The following SIL1 variants were observed in gnomAD, a reference collection of about 807,000 sequenced individuals.
SIL1 encodes SIL1 nucleotide exchange factor, also known as nucleotide exchange factor SIL1.
SIL1 carries 40 observed loss-of-function variants against 49.1 expected under a neutral mutation model. The observed-to-expected ratio is 0.81, with a 90% CI of 0.63 to 1.06. SIL1 has a LOEUF of 1.06. Among genes scored for constraint, SIL1 ranks in the 50% least tolerant of loss-of-function variants. The pLI, the probability that SIL1 is intolerant of heterozygous loss-of-function variation, is 0.00. For synonymous variants in SIL1, 253 were observed against 250.8 expected (o/e 1.01, Z -0.08); for missense variants, 500 against 572.6 (o/e 0.87, Z 1.29).
intron 3 of SIL1, among the ~76,000 whole-genome samples, chr5:139,080,766 A>C (rs1366115483): frequency 6.6e-6 from 1 of 152,170 alleles, no homozygotes; most frequent in Non-Finnish European, 1.5e-5. Context: ...GAGAACTATT[A>C]GCTTTTTAAT....
chr5:139,040,055 G>A (rs368707755), intron 5 of SIL1, among the ~76,000 whole-genome samples: 2 of 122,800 alleles, frequency 1.6e-5, no homozygotes, highest in African/African-American at 3.7e-5. Flanking sequence ...GGATATGGCC[G>A]AATATCTGAC....
At chr5:138,970,073 C>G (rs1477722324) in intron 7 of SIL1, among the ~76,000 whole-genome samples, 1 of 152,246 alleles carries the variant, frequency 6.6e-6, no homozygotes, top group Non-Finnish European at 1.5e-5. Context: ...CCGATAAATG[C>G]CCCACCACTG....
chr5:139,037,223 T>C (rs994029866), intron 5 of SIL1, among the ~76,000 whole-genome samples: 1 of 152,006 alleles, frequency 6.6e-6, no homozygotes, highest in African/African-American at 2.4e-5. Context: ...TGTTCCCCTA[T>C]AGTTGTGTTA....
chr5:139,143,006 G>A (rs1424783988), intron 1 of SIL1, among the ~76,000 whole-genome samples: 5 of 151,728 alleles, frequency 3.3e-5, no homozygotes, highest in Non-Finnish European at 5.9e-5. Flanking sequence ...CTGACCTCGT[G>A]ATCCGCCCAC....
At chr5:138,974,058 A>G (rs918563360) in intron 7 of SIL1, among the ~76,000 whole-genome samples, 3 of 152,172 alleles carry the variant, frequency 2.0e-5, no homozygotes, top group African/African-American at 7.2e-5. Context: ...GCACCCCTTG[A>G]TATCAAATTG....
At chr5:139,175,308 C>T (rs150979574) in intron 1 of SIL1, among the ~76,000 whole-genome samples, 1 of 151,920 alleles carries the variant, frequency 6.6e-6, no homozygotes, top group African/African-American at 2.4e-5. Context: ...GCAACAAGAG[C>T]GAAGCTCCAT....
intron 1 of SIL1, among the ~76,000 whole-genome samples, chr5:139,149,256 T>C (rs949341480): frequency 6.6e-6 from 1 of 152,192 alleles, no homozygotes; most frequent in African/African-American, 2.4e-5. Flanking sequence ...AAATATATTT[T>C]TGCAAAAACA....
chr5:139,063,191 A>G (rs371985857), intron 3 of SIL1, among the ~76,000 whole-genome samples: 18 of 152,268 alleles, frequency 1.2e-4, no homozygotes, highest in African/African-American at 4.3e-4. Context: ...AAAGGATGAT[A>G]GTATTTTGAC....
chr5:139,029,650 C>T (rs1417024677), intron 5 of SIL1, among the ~76,000 whole-genome samples: 1 of 151,652 alleles, frequency 6.6e-6, no homozygotes, highest in African/African-American at 2.4e-5. Flanking sequence ...AGGCACAAGT[C>T]ACCACGCCTG....
chr5:139,138,522 C>T (rs1341501132), intron 1 of SIL1, among the ~76,000 whole-genome samples: 1 of 152,204 alleles, frequency 6.6e-6, no homozygotes, highest in African/African-American at 2.4e-5. Flanking sequence ...CATTCCCTTC[C>T]AACCCACTAC....
At chr5:138,993,929 A>T (rs991826562) in intron 7 of SIL1, among the ~76,000 whole-genome samples, 1 of 152,218 alleles carries the variant, frequency 6.6e-6, no homozygotes, top group Non-Finnish European at 1.5e-5. Context: ...TTAAGCCACT[A>T]AGTTTGTGAG....
At chr5:139,147,593 C>G (rs1441793121) in intron 1 of SIL1, among the ~76,000 whole-genome samples, 1 of 152,156 alleles carries the variant, frequency 6.6e-6, no homozygotes. Flanking sequence ...GCAAGAGAAA[C>G]AGCTGAATTA....
intron 7 of SIL1, among the ~76,000 whole-genome samples, chr5:138,969,766 T>C (rs1767231481): frequency 6.6e-6 from 1 of 152,228 alleles, no homozygotes. Context: ...TTCTAAGAGC[T>C]GTAAAAGTAA....
chr5:139,082,966 G>A lies in SIL1; in HGVS notation c.245-31920C>T, dbSNP rs146496192. Among the ~76,000 whole-genome samples the A allele has an allele frequency of 3.6e-3, 550 of 152,296 alleles. 1 individual carries two copies. Among genetic ancestry groups the A allele is most frequent in the Non-Finnish European group, 4.8e-3 (328 of 68,020 alleles). On this transcript the variant is annotated intron_variant, in intron 3 of 9. Coordinates refer to ENST00000394817, the MANE Select transcript of SIL1 (RefSeq NM_022464.5). ...CCCCAGGATACCCAGGAGAGAGCAG[G>A]CCAACTCAAAAAGCACTGAAGCAGC...
At chr5:139,117,281 A>T (rs1771011565) in intron 3 of SIL1, among the ~76,000 whole-genome samples, 1 of 152,218 alleles carries the variant, frequency 6.6e-6, no homozygotes, top group Non-Finnish European at 1.5e-5. Context: ...TTAGAGCCAG[A>T]CAAATCTAGG....
chr5:139,172,334 C>G (rs2151815854), intron 1 of SIL1, among the ~76,000 whole-genome samples: 1 of 152,186 alleles, frequency 6.6e-6, no homozygotes, highest in Non-Finnish European at 1.5e-5. Context: ...AGACAAAGGG[C>G]CAGGTATGGT....
At chr5:139,081,093 G>A (rs529636741) in intron 3 of SIL1, among the ~76,000 whole-genome samples, 3 of 152,284 alleles carry the variant, frequency 2.0e-5, no homozygotes, top group South Asian at 2.1e-4. Flanking sequence ...GTTGATCCAC[G>A]TGATAAATTC....
intron 1 of SIL1, among the ~76,000 whole-genome samples, chr5:139,144,178 G>A (rs900432403): frequency 6.6e-6 from 1 of 152,180 alleles, no homozygotes; most frequent in Non-Finnish European, 1.5e-5. Flanking sequence ...GAACAAAACT[G>A]CTGGGCACAG....
chr5:138,963,305 C>T (rs1393323167), intron 7 of SIL1, among the ~76,000 whole-genome samples: 1 of 152,134 alleles, frequency 6.6e-6, no homozygotes, highest in Non-Finnish European at 1.5e-5. Flanking sequence ...TGCACTCCCT[C>T]CAACCTCCAC....
Sources: gnomAD v4.1 joint callset for allele counts (sites outside exome capture counted in the v4.1 genomes callset) on GRCh38, gnomAD v4.1.1 for gene constraint, MANE v1.5 for transcripts, NCBI Gene and HGNC (gene_info 2026-07-23, HGNC 2026-07-21) for gene names.